The following OPTN variants were observed in gnomAD, a reference collection of about 807,000 sequenced individuals.
OPTN encodes the protein E3-14.7K-interacting protein.
OPTN carries 54 observed loss-of-function variants against 70.4 expected under a neutral mutation model. The ratio of observed to expected loss-of-function variants is 0.77; its 90% CI spans 0.62 to 0.96. The LOEUF (loss-of-function observed/expected upper bound fraction) is 0.96. OPTN is among the 40% of genes least tolerant of loss of function. The pLI is 0.00. For synonymous variants in OPTN, 256 were observed against 248.5 expected (o/e 1.03, Z -0.28); for missense variants, 624 against 673.2 (o/e 0.93, Z 0.81).
chr10:13,125,717 G>T (rs902939526), intron 10 of OPTN, 150 bp downstream of exon 10: 8 of 932,204 alleles, frequency 8.6e-6, no homozygotes, highest in South Asian at 1.6e-5. Context: ...CAGAGAGGGG[G>T]ATAAAATTTA....
rs115042393 is a variant in OPTN at position 13,133,175 on chromosome 10, T to A, written c.1533-327T>A. Among the ~76,000 whole-genome samples, 950 of 152,296 alleles carry A rather than the reference T, an allele frequency of 6.2e-3. 12 individuals carry two copies. Among genetic ancestry groups the A allele is most frequent in the African/African-American group, 0.021 (890 of 41,568 alleles). On this transcript the variant is annotated intron_variant, in intron 13 of 14. Coordinates refer to ENST00000378747, the MANE Select transcript of OPTN (RefSeq NM_001008212.2). ...GTTCTGCAGCTTACTTTACATAATA[T>A]TATGATTTTGAGCTCTCTTGATATG...
At chr10:13,104,716 T>C (rs1832826815) in intron 1 of OPTN, 1 of 687,322 alleles carries the variant, frequency 1.5e-6, no homozygotes, top group African/African-American at 1.8e-5. Flanking sequence ...GCAATATTCC[T>C]TGGACGTGTC....
intron 1 of OPTN, among the ~76,000 whole-genome samples, chr10:13,103,468 C>T (rs1454098766): frequency 6.6e-6 from 1 of 152,202 alleles, no homozygotes; most frequent in Non-Finnish European, 1.5e-5. Flanking sequence ...TACCATTTGA[C>T]ACATTATGAC....
In OPTN at chr10:13,110,260, T is replaced by C. The variant is rs1296045880; in HGVS notation, c.167-14T>C. 1 of 1,613,248 alleles carries C rather than the reference T, an allele frequency of 6.2e-7. No homozygotes were observed. Among genetic ancestry groups the C allele is most frequent in the Non-Finnish European group, 8.5e-7 (1 of 1,179,728 alleles). Reference sequence around the variant, plus strand: ...TTCCTGGTGTGTGACTCCATCACTCTGAACCTCCTGCAGAAGCCATGAAGC... The same window carrying C: ...TTCCTGGTGTGTGACTCCATCACTCCGAACCTCCTGCAGAAGCCATGAAGC... On this transcript the variant is annotated splice_polypyrimidine_tract_variant and intron_variant, in intron 3 of 14. Transcript: ENST00000378747.
intron 12 of OPTN, among the ~76,000 whole-genome samples, chr10:13,129,765 C>A (rs1294965355): frequency 1.3e-5 from 2 of 152,226 alleles, no homozygotes; most frequent in Non-Finnish European, 2.9e-5. Context: ...TATGTCCTCA[C>A]ATTCTTGCAT....
intron 6 of OPTN, among the ~76,000 whole-genome samples, chr10:13,116,761 G>A (rs1833218283): frequency 6.6e-6 from 1 of 152,154 alleles, no homozygotes; most frequent in South Asian, 2.1e-4. Flanking sequence ...GTTATAAGCT[G>A]GCATGGCCAA....
intron 7 of OPTN, among the ~76,000 whole-genome samples, chr10:13,120,540 C>T (rs1399794250): frequency 6.7e-6 from 1 of 148,402 alleles, no homozygotes; most frequent in African/African-American, 2.5e-5. Flanking sequence ...CACCGCACTC[C>T]AGCCTGGGTG....
chr10:13,110,524 C>T (rs1020576559), intron 4 of OPTN, 48 bp downstream of exon 4: 1 of 1,554,158 alleles, frequency 6.4e-7, no homozygotes, highest in Middle Eastern at 1.7e-4. Flanking sequence ...TTTCCCTTGA[C>T]ATTTGCAGTG....
intron 1 of OPTN, among the ~76,000 whole-genome samples, chr10:13,105,693 G>A (rs1443568738): frequency 1.3e-5 from 2 of 152,192 alleles, no homozygotes; most frequent in African/African-American, 4.8e-5. Flanking sequence ...TGGATCACCT[G>A]AGGTCACGAG....
intron 14 of OPTN, among the ~76,000 whole-genome samples, chr10:13,134,459 G>T (rs1160540068): frequency 6.6e-6 from 1 of 151,934 alleles, no homozygotes; most frequent in Admixed American, 6.6e-5. Context: ...TTGAGACAGG[G>T]TCCCACTCTC....
At position 13,117,080 on chromosome 10, in the gene OPTN, CTTT is replaced by C. The variant is rs560052353; in HGVS notation, c.626+756_626+758del. ...TGTCTGAAAAGAACTCTAAGGATCT[CTTT>C]TTTTTTTTTTTTTTTGAGACGGAAT... is the stretch of plus-strand genomic sequence containing the variant. On this transcript the variant is annotated intron_variant, in intron 6 of 14. Coordinates refer to ENST00000378747, the MANE Select transcript of OPTN (RefSeq NM_001008212.2). 2.2e-3 allele frequency among the ~76,000 whole-genome samples: 262 copies of C among 121,366 alleles called. 4 individuals are homozygous for C. The highest frequency in any genetic ancestry group is 7.8e-3 in the African/African-American group (246 of 31,400). 79.6% of individuals were successfully genotyped at this position (121,366 alleles called of 152,430 possible). A position where few individuals can be genotyped will look rare whatever the true frequency, so the allele number is the denominator to read the frequency against.
chr10:13,118,582 T>A (rs1833270905), intron 6 of OPTN, among the ~76,000 whole-genome samples: 1 of 152,192 alleles, frequency 6.6e-6, no homozygotes, highest in East Asian at 1.9e-4. Flanking sequence ...CTGCCTCTGC[T>A]GAACTGTTCC....
chr10:13,100,561 C>T (rs1239697381), intron 1 of OPTN, among the ~76,000 whole-genome samples: 3 of 152,246 alleles, frequency 2.0e-5, no homozygotes, highest in Non-Finnish European at 4.4e-5. Flanking sequence ...CCAGGGCCGG[C>T]CTCTTGGCCG....
chr10:13,135,573 G>A (rs907967211), intron 14 of OPTN, among the ~76,000 whole-genome samples: 6 of 151,738 alleles, frequency 4.0e-5, no homozygotes, highest in Non-Finnish European at 7.4e-5. Flanking sequence ...CTTTTGCCAC[G>A]CCACTGCTGC....
chr10:13,135,681 G>A lies in OPTN; in HGVS notation c.1613-1064G>A, dbSNP rs559273985. 1.8e-4 allele frequency among the ~76,000 whole-genome samples: 28 copies of A among 152,198 alleles called. No individual in the cohort carries two copies. In the South Asian group the frequency reaches 5.6e-3, roughly 30 times the overall value. On this transcript the variant is annotated intron_variant, in intron 14 of 14. Coordinates refer to ENST00000378747, the MANE Select transcript of OPTN (RefSeq NM_001008212.2). ...ATTCAAAAGTGTCTGCTGAACAAATGAGATGATTGCCTCTGCTTCTGGGAA... is the reference window on the plus strand; with the variant it reads ...ATTCAAAAGTGTCTGCTGAACAAATAAGATGATTGCCTCTGCTTCTGGGAA...
chr10:13,105,736 C>G (rs1041609236), intron 1 of OPTN, among the ~76,000 whole-genome samples: 16 of 152,122 alleles, frequency 1.1e-4, no homozygotes, highest in Admixed American at 3.9e-4. Flanking sequence ...TGGCAAAACC[C>G]TGTCTCTACT....
At chr10:13,126,986 T>G (rs1833481080) in intron 11 of OPTN, among the ~76,000 whole-genome samples, 1 of 152,070 alleles carries the variant, frequency 6.6e-6, no homozygotes, top group Admixed American at 6.6e-5. Context: ...ATCACGCCAC[T>G]GTACTCCAGC....
At chr10:13,107,563 A>T (rs1320856582) in intron 1 of OPTN, among the ~76,000 whole-genome samples, 1 of 150,802 alleles carries the variant, frequency 6.6e-6, no homozygotes, top group East Asian at 2.0e-4. Flanking sequence ...TATTTTTTTT[A>T]TTAGAGACAG....
chr10:13,111,848 T>TTG (rs1467137016), intron 4 of OPTN, among the ~76,000 whole-genome samples: 4 of 136,398 alleles, frequency 2.9e-5, no homozygotes, highest in South Asian at 2.5e-4. Flanking sequence ...TTGACTGTTT[T>TTG]TTTTTTTTTT....
Sources: gnomAD v4.1 joint callset for allele counts (sites outside exome capture counted in the v4.1 genomes callset) on GRCh38, gnomAD v4.1.1 for gene constraint, MANE v1.5 for transcripts, NCBI Gene and HGNC (gene_info 2026-07-23, HGNC 2026-07-21) for gene names.